CIRBP: variants seen among roughly 807,000 people sequenced by gnomAD.
The protein encoded by CIRBP is cold inducible RNA binding protein, also known as cold-inducible RNA-binding protein.
In CIRBP, 11 loss-of-function variants were observed where a neutral mutation model predicts 22.3. The observed-to-expected ratio is 0.49, with a 90% CI of 0.31 to 0.82. CIRBP has a LOEUF of 0.82. CIRBP is among the 40% of genes least tolerant of loss of function. The pLI is 0.05. For missense variants in CIRBP, 456 were observed against 402.7 expected (o/e 1.13, Z -1.13); for synonymous variants, 216 against 158.8 (o/e 1.36, Z -2.71).
rs2081362927 is a variant in CIRBP at position 1,272,668 on chromosome 19, C to G, written c.*225C>G. The stretch of plus-strand genomic sequence containing the variant: ...AGTGCTGTTTTTTTTTGAGGGTTTT[C>G]AAAACATTTTGAAAAGCATTTACTT... On this transcript the variant is annotated 3_prime_UTR_variant, in exon 6 of 6. Transcript: ENST00000587896. 1 of 418,738 alleles carries G rather than the reference C, an allele frequency of 2.4e-6. No individual in the cohort carries two copies. The highest frequency in any genetic ancestry group is 4.3e-6 in the Non-Finnish European group (1 of 235,236). 25.9% of individuals were successfully genotyped at this position (418,738 alleles called of 1,614,324 possible). A position where few individuals can be genotyped will look rare whatever the true frequency, so the allele number is the denominator to read the frequency against.
At chr19:1,269,808 C>A (rs758619572) in intron 1 of CIRBP, 4 of 516,122 alleles carry the variant, frequency 7.8e-6, no homozygotes, top group South Asian at 5.6e-5. Flanking sequence ...TATCCACACA[C>A]CAACGCTTTT....
At position 1,272,103 on chromosome 19, in the gene CIRBP, G is replaced by A. The variant is rs778087610; in HGVS notation, c.554G>A (p.Arg185Gln). ...ATLLWPAVGA[R>Q]FTLVPSPSTL... ...CTGCTGTGGCCTGCGGTGGGAGCTC[G>A]GTTCACCTTGGTGCCCTCTCCAAGC... The change falls in exon 6 of 6, where the codon CGG becomes CAG. Residue 185 changes from arginine to glutamine, a missense_variant. Around this residue, in one of 2 missense-constraint regions of CIRBP, gnomAD observed 426 missense variants for 339.6 expected, o/e 1.25. Coordinates refer to ENST00000587896, the MANE Select transcript of CIRBP (RefSeq NM_001300829.2). 9.5e-5 allele frequency: 153 copies of A among 1,613,770 alleles called. No individual in the cohort carries two copies. The highest frequency in any genetic ancestry group is 1.0e-4 in the Non-Finnish European group (123 of 1,180,010).
At chr19:1,271,658 AG>A in intron 5 of CIRBP, 26 bp downstream of exon 5, 1 of 1,412,134 alleles carries the variant, frequency 7.1e-7, no homozygotes. Context: ...GCCCAAGCAC[AG>A]GGGTGGTTGC....
rs753825835 is a variant in CIRBP at position 1,271,554 on chromosome 19, G to A, written c.353G>A (p.Gly118Glu). 6.3e-7 allele frequency: 1 copy of A among 1,587,156 alleles called. No homozygotes were observed. The highest frequency in any genetic ancestry group is 8.6e-7 in the Non-Finnish European group (1 of 1,166,916). Residue 118 changes from glycine to glutamate, a missense_variant, in exon 5 of 6, where the codon GGA becomes GAA. Coordinates refer to ENST00000587896, the MANE Select transcript of CIRBP (RefSeq NM_001300829.2). ...TCACTTTTTCCTGTATGTGCAGGAGGAGGGGACCGAGGCTATGGGGGGAAC... is the reference window on the plus strand; with the variant it reads ...TCACTTTTTCCTGTATGTGCAGGAGAAGGGGACCGAGGCTATGGGGGGAAC... Reference protein sequence around the residue: ...RGRGRGFSRGGGDRGYGGNRF... With the variant: ...RGRGRGFSRGEGDRGYGGNRF...
rs929642605 is a variant in CIRBP at position 1,272,632 on chromosome 19, C to G, written c.*189C>G. On this transcript the variant is annotated 3_prime_UTR_variant, in exon 6 of 6. Coordinates refer to ENST00000587896, the MANE Select transcript of CIRBP (RefSeq NM_001300829.2). Reference sequence around the variant, plus strand: ...GGGATGGCCTCGTTACTAGACTTTTCTTTTTAAGGAAGTGCTGTTTTTTTT... The same window carrying G: ...GGGATGGCCTCGTTACTAGACTTTTGTTTTTAAGGAAGTGCTGTTTTTTTT... 5 of 480,268 alleles carry G rather than the reference C, an allele frequency of 1.0e-5. No individual in the cohort carries two copies. The highest frequency in any genetic ancestry group is 3.5e-5 in the Admixed American group (1 of 28,792). 29.8% of individuals were successfully genotyped at this position (480,268 alleles called of 1,614,324 possible). A position where few individuals can be genotyped will look rare whatever the true frequency, so the allele number is the denominator to read the frequency against.
Position 1,273,875 on chromosome 19 carries a change from T to G in CIRBP, c.*1432T>G, listed in dbSNP as rs1389464924. On this transcript the variant is annotated 3_prime_UTR_variant, in exon 6 of 6. Transcript: ENST00000587896. ...CTGGAACTAAAGTCAGGCCCAGCCA[T>G]TACGCTCCCCACGTGCAGCCAGGTG... is the stretch of plus-strand genomic sequence containing the variant. The G allele has an allele frequency of 6.1e-6, 1 of 165,002 alleles. No homozygotes were observed. The highest frequency in any genetic ancestry group is 1.3e-5 in the Non-Finnish European group (1 of 76,994). 10.2% of individuals were successfully genotyped at this position (165,002 alleles called of 1,614,324 possible).
In CIRBP at chr19:1,272,818, C is replaced by G. The variant is rs1451480562; in HGVS notation, c.*375C>G. ...GGGTTGGCCCCATGAAGTGGGTGCC[C>G]CACTCACTTCTCTGAGATCGAACGG... On this transcript the variant is annotated 3_prime_UTR_variant, in exon 6 of 6. Transcript: ENST00000587896. The G allele has an allele frequency of 5.8e-6, 1 of 171,002 alleles. No homozygotes were observed. Among genetic ancestry groups the G allele is most frequent in the African/African-American group, 2.4e-5 (1 of 41,804 alleles). 10.6% of individuals were successfully genotyped at this position (171,002 alleles called of 1,614,324 possible). A position where few individuals can be genotyped will look rare whatever the true frequency, so the allele number is the denominator to read the frequency against.
Position 1,272,500 on chromosome 19 carries a change from A to G in CIRBP, c.*57A>G. 1 of 1,386,884 alleles carries G rather than the reference A, an allele frequency of 7.2e-7. No individual in the cohort carries two copies. The highest frequency in any genetic ancestry group is 2.3e-5 in the East Asian group (1 of 43,320). The allele number at this position is 1,386,884 out of a possible 1,614,324, so 85.9% of individuals were successfully genotyped here. ...TGGCTGTGTGTTTAAAGATTGTGGG[A>G]GCTTCGCTGAACGTTAATGTGTAGT... On this transcript the variant is annotated 3_prime_UTR_variant, in exon 6 of 6. Transcript: ENST00000587896.
rs534700548 is a variant in CIRBP at position 1,273,268 on chromosome 19, G to C, written c.*825G>C. 3 of 152,296 alleles carry C rather than the reference G, an allele frequency of 2.0e-5. No homozygotes were observed. The highest frequency in any genetic ancestry group is 7.2e-5 in the African/African-American group (3 of 41,422). The allele number at this position is 152,296 out of a possible 1,614,324, so 9.4% of individuals were successfully genotyped here. A position where few individuals can be genotyped will look rare whatever the true frequency, so the allele number is the denominator to read the frequency against. ...CAGAGAGAGAAGGTGGAGAAGCAGC[G>C]GGTCTGCAAGCCTTCCCTGGGGCCT... is the stretch of plus-strand genomic sequence containing the variant. On this transcript the variant is annotated 3_prime_UTR_variant, in exon 6 of 6. Transcript: ENST00000587896.
intron 5 of CIRBP, 35 bp downstream of exon 5, chr19:1,271,667 T>A: frequency 7.5e-7 from 1 of 1,335,192 alleles, no homozygotes; most frequent in Non-Finnish European, 1.0e-6. Context: ...CAGGGGTGGT[T>A]GCGGGATGGC....
intron 1 of CIRBP, chr19:1,270,232 G>GCC (rs56378951): frequency 1.6e-5 from 6 of 367,892 alleles, no homozygotes; most frequent in African/African-American, 4.2e-5. Flanking sequence ...CTGACAGCCA[G>GCC]CCCCCCCCCC....
At chr19:1,271,287 T>C (rs760007761) in intron 3 of CIRBP, 41 bp downstream of exon 3, 2 of 1,613,964 alleles carry the variant, frequency 1.2e-6, no homozygotes, top group Non-Finnish European at 8.5e-7. Context: ...GTCTCGAGGA[T>C]GGGGCACCCA....
rs2081329483 is a variant in CIRBP at position 1,270,975 on chromosome 19, T to G, written c.42T>G (p.Ser14Arg). 6.2e-7 allele frequency: 1 copy of G among 1,613,752 alleles called. No homozygotes were observed. ...DEGKLFVGGL[S>R]FDTNEQSLEQ... is the part of the protein sequence containing the mutation. ...GCAAACTTTTTGTTGGAGGGCTGAG[T>G]TTTGACACCAATGAGCAGTCGCTGG... The change falls in exon 2 of 6, where the codon AGT becomes AGG. Residue 14 changes from serine to arginine, a missense_variant. Coordinates refer to ENST00000587896, the MANE Select transcript of CIRBP (RefSeq NM_001300829.2).
rs936360417 is a variant in CIRBP at position 1,269,350 on chromosome 19, G to A, written c.-67G>A. ...CCCCCCCCTCACTCGCGCGTTAGGA[G>A]GCTCGGGTCGTTGTGGTGCGCTGTC... On this transcript the variant is annotated 5_prime_UTR_variant, in exon 1 of 6. Transcript: ENST00000587896. The A allele has an allele frequency of 5.3e-5, 8 of 151,992 alleles. No homozygotes were observed. The highest frequency in any genetic ancestry group is 1.9e-4 in the African/African-American group (8 of 41,366). The allele number at this position is 151,992 out of a possible 1,614,324, so 9.4% of individuals were successfully genotyped here.
rs773980478 is a variant in CIRBP at position 1,271,599 on chromosome 19, G to A, written c.398G>A (p.Gly133Glu). 1.9e-6 allele frequency: 3 copies of A among 1,565,730 alleles called. No homozygotes were observed. The highest frequency in any genetic ancestry group is 1.2e-5 in the South Asian group (1 of 85,636). The change falls in exon 5 of 6, where the codon GGG becomes GAG. Residue 133 changes from glycine to glutamate, a missense_variant. Physicochemically the swap from Gly to Glu is moderately conservative, Grantham distance 98. This residue lies in a region of CIRBP where 426 missense variants were observed against 339.6 expected (regional missense o/e 1.25). Coordinates refer to ENST00000587896, the MANE Select transcript of CIRBP (RefSeq NM_001300829.2). The part of the protein sequence containing the change: ...YGGNRFESRS[G>E]GYGGSRDYYS... ...GGGAACCGGTTCGAGTCCAGGAGTG[G>A]GGGCTACGGAGGCTCCAGAGACTAC...
At chr19:1,271,110 G>A in intron 2 of CIRBP, 30 bp from the exon 3 acceptor site, 1 of 1,610,942 alleles carries the variant, frequency 6.2e-7, no homozygotes, top group Non-Finnish European at 8.5e-7. Context: ...ACAGCTGGGT[G>A]CTGACTGCAG....
rs973926640 is a variant in CIRBP, at chr19:1,273,598, T to C, written c.*1155T>C. ...TTCACGAGTTCTGAGCATTCTCTGC[T>C]AGCCTATGGAAGCTGCAGCCCTCGG... On this transcript the variant is annotated 3_prime_UTR_variant, in exon 6 of 6. Transcript: ENST00000587896. 3 of 152,248 alleles carry C rather than the reference T, an allele frequency of 2.0e-5. No individual in the cohort carries two copies. Among genetic ancestry groups the C allele is most frequent in the Non-Finnish European group, 4.4e-5 (3 of 68,046 alleles). 9.4% of individuals were successfully genotyped at this position (152,248 alleles called of 1,614,324 possible).
chr19:1,271,351 G>A lies in CIRBP; in HGVS notation c.233G>A (p.Arg78Gln). The A allele has an allele frequency of 6.2e-7, 1 of 1,614,010 alleles. No homozygotes were observed. The highest frequency in any genetic ancestry group is 8.5e-7 in the Non-Finnish European group (1 of 1,180,026). ...CAGTCTGTAGATGGACGGCAGATCC[G>A]AGTAGACCAGGCAGGCAAGTCGTCA... ...NGKSVDGRQI[R>Q]VDQAGKSSDN... is the part of the protein sequence containing the mutation. The change falls in exon 4 of 6, where the codon CGA becomes CAA. Residue 78 changes from arginine to glutamine, a missense_variant. Coordinates refer to ENST00000587896, the MANE Select transcript of CIRBP (RefSeq NM_001300829.2).
chr19:1,271,901 G>A (rs1466914646), intron 5 of CIRBP, 80 bp from the exon 6 acceptor site: 2 of 1,288,204 alleles, frequency 1.6e-6, no homozygotes, highest in Non-Finnish European at 2.2e-6. Context: ...GGCTGGCATG[G>A]GGGCTGGCGG....
Sources: allele counts gnomAD v4.1 joint callset, GRCh38; gene constraint gnomAD v4.1.1; regional missense constraint gnomAD v4.1.1; transcripts MANE v1.5; gene names NCBI Gene and HGNC (gene_info 2026-07-23, HGNC 2026-07-21).